The following CFAP100 variants were observed in gnomAD, a reference collection of about 807,000 sequenced individuals.
The protein encoded by CFAP100 is cilia- and flagella-associated protein 100.
CFAP100 carries 70 observed loss-of-function variants against 81.5 expected under a neutral mutation model. The observed-to-expected ratio is 0.86, with a 90% CI of 0.71 to 1.05. CFAP100 has a LOEUF of 1.05. Ranked by LOEUF, CFAP100 falls within the 50% of genes least tolerant of loss-of-function variation. The pLI is 0.00. For synonymous variants in CFAP100, 341 were observed against 314.8 expected (o/e 1.08, Z -0.88); for missense variants, 811 against 776.5 (o/e 1.04, Z -0.53).
rs1258687774 is a variant in CFAP100 at position 126,436,491 on chromosome 3, C to G, written c.*87C>G. 6.7e-6 allele frequency: 6 copies of G among 889,082 alleles called. No homozygotes were observed. The African/African-American group carries it at 9.9e-5, about 15-fold the overall frequency. 55.1% of individuals were successfully genotyped at this position (889,082 alleles called of 1,614,324 possible). On this transcript the variant is annotated 3_prime_UTR_variant, in exon 17 of 17. Transcript: ENST00000352312. ...AGACTGGGCTGGGTCTCGAGTGGCC[C>G]AACTGAGTCCTCTCTGTCTCCTGTG...
intron 5 of CFAP100, chr3:126,416,728 A>G (rs1480756280): frequency 6.4e-6 from 3 of 471,088 alleles, no homozygotes; most frequent in Non-Finnish European, 1.1e-5. Flanking sequence ...TCCTAATAGA[A>G]TAGTTCCCCA....
At chr3:126,409,158 T>C (rs1393797318) in intron 3 of CFAP100, among the ~76,000 whole-genome samples, 2 of 152,090 alleles carry the variant, frequency 1.3e-5, no homozygotes, top group African/African-American at 4.8e-5. Flanking sequence ...ACCATTTCCA[T>C]CTCCCCAGAA....
rs1173422674 is a variant in CFAP100 at position 126,423,621 on chromosome 3, C to T, written c.1263C>T (p.Thr421=). The part of the protein sequence containing the change: ...TEKTLEELSH[T]LKHTQIRMDR... ...AGACCCTGGAGGAGCTGAGCCACAC[C>T]CTGAAACACACCCAGATCCGCATGT... The change falls in exon 13 of 17, where the codon ACC becomes ACT. Residue 421 remains threonine (T), a synonymous_variant. Coordinates refer to ENST00000352312, the MANE Select transcript of CFAP100 (RefSeq NM_182628.3). 1 of 1,614,202 alleles carries T rather than the reference C, an allele frequency of 6.2e-7. No individual in the cohort carries two copies. Among genetic ancestry groups the T allele is most frequent in the Non-Finnish European group, 8.5e-7 (1 of 1,180,032 alleles).
At chr3:126,416,227 C>CGCGTCCCCGGCCTCAGGTCCG in intron 4 of CFAP100, 89 bp from the exon 5 acceptor site, 1 of 1,096,174 alleles carries the variant, frequency 9.1e-7, no homozygotes, top group Non-Finnish European at 1.3e-6. Flanking sequence ...GCGCGCAAAC[C>CGCGTCCCCGGCCTCAGGTCCG]CGCGTCCCTA....
intron 2 of CFAP100, among the ~76,000 whole-genome samples, chr3:126,403,028 C>T (rs138182260): frequency 1.3e-5 from 2 of 152,178 alleles, no homozygotes; most frequent in Non-Finnish European, 2.9e-5. Flanking sequence ...GACACCTGTG[C>T]ATCACAGTGC....
chr3:126,420,928 C>T (rs1429664467), intron 11 of CFAP100: 1 of 152,238 alleles, frequency 6.6e-6, no homozygotes, highest in Non-Finnish European at 1.5e-5. Flanking sequence ...TATTGGTTCT[C>T]TATGTATTCT....
Position 126,416,376 on chromosome 3 carries a change from T to G in CFAP100, c.286T>G (p.Ser96Ala). 1 of 1,611,152 alleles carries G rather than the reference T, an allele frequency of 6.2e-7. No homozygotes were observed. The highest frequency in any genetic ancestry group is 1.1e-5 in the South Asian group (1 of 90,864). Reference sequence around the variant, plus strand: ...GAAGATGACCTACTCCTCGAAAGTGTCGGCTAAGCACACCAGCCTGCGGCG... The same window carrying G: ...GAAGATGACCTACTCCTCGAAAGTGGCGGCTAAGCACACCAGCCTGCGGCG... Reference protein sequence around the residue: ...HQKMTYSSKVSAKHTSLRRQL... With the variant: ...HQKMTYSSKVAAKHTSLRRQL... Residue 96 changes from serine to alanine, a missense_variant, in exon 5 of 17, where the codon TCG becomes GCG. Ser to Ala is a moderately conservative substitution (Grantham distance 99, BLOSUM62 1). Coordinates refer to ENST00000352312, the MANE Select transcript of CFAP100 (RefSeq NM_182628.3).
chr3:126,435,695 C>A, intron 16 of CFAP100, 43 bp downstream of exon 16: 1 of 1,512,944 alleles, frequency 6.6e-7, no homozygotes. Flanking sequence ...GAGGGGGTCC[C>A]AAGACAGCAT....
chr3:126,434,980 G>A (rs1373615108), intron 15 of CFAP100, among the ~76,000 whole-genome samples: 3 of 152,100 alleles, frequency 2.0e-5, no homozygotes, highest in Non-Finnish European at 4.4e-5. Context: ...AGGTAGATGG[G>A]GGTTGTGGCT....
At chr3:126,432,513 A>G (rs1437809481) in intron 13 of CFAP100, among the ~76,000 whole-genome samples, 2 of 151,804 alleles carry the variant, frequency 1.3e-5, no homozygotes, top group African/African-American at 4.9e-5. Flanking sequence ...ACTCAGCTAT[A>G]AAAAGAAATG....
chr3:126,400,552 G>T (rs2082958690), intron 2 of CFAP100, among the ~76,000 whole-genome samples: 1 of 152,044 alleles, frequency 6.6e-6, no homozygotes, highest in Non-Finnish European at 1.5e-5. Flanking sequence ...AGGAGATTGA[G>T]ACCATCCTGG....
chr3:126,434,569 G>T, intron 15 of CFAP100, 188 bp downstream of exon 15: 2 of 593,862 alleles, frequency 3.4e-6, no homozygotes. Flanking sequence ...GGTGGTTAGG[G>T]AAAGCTTCCT....
Position 126,419,830 on chromosome 3 carries a change from G to C in CFAP100, c.913+12G>C. ...ACCAGGGGACAAAGGTAGCAGAAAAGAGAATGTGGGTTCCCAGGTGGGCTC... is the reference window on the plus strand; with the variant it reads ...ACCAGGGGACAAAGGTAGCAGAAAACAGAATGTGGGTTCCCAGGTGGGCTC... On this transcript the variant is annotated intron_variant, in intron 9 of 16. Transcript: ENST00000352312. 1 of 1,612,800 alleles carries C rather than the reference G, an allele frequency of 6.2e-7. No homozygotes were observed. Among genetic ancestry groups the C allele is most frequent in the Middle Eastern group, 1.7e-4 (1 of 5,818 alleles).
chr3:126,424,733 A>G (rs560312500), intron 13 of CFAP100, among the ~76,000 whole-genome samples: 193 of 152,388 alleles, frequency 1.3e-3, no homozygotes, highest in Non-Finnish European at 2.2e-3. Context: ...TGACTTGTGC[A>G]TACTGATGTG....
chr3:126,415,534 T>A (rs941858865), intron 4 of CFAP100, among the ~76,000 whole-genome samples: 10 of 152,188 alleles, frequency 6.6e-5, no homozygotes, highest in Non-Finnish European at 1.5e-5. Flanking sequence ...TTTTCCTGAC[T>A]GCAGTGATGG....
chr3:126,433,693 G>T (rs1378249879), intron 14 of CFAP100: 1 of 192,842 alleles, frequency 5.2e-6, no homozygotes, highest in East Asian at 1.5e-4. Flanking sequence ...GGCCAAGGGT[G>T]TGGGATGCAG....
At chr3:126,401,141 T>C (rs965653326) in intron 2 of CFAP100, among the ~76,000 whole-genome samples, 2 of 150,868 alleles carry the variant, frequency 1.3e-5, no homozygotes, top group East Asian at 3.9e-4. Flanking sequence ...GTCAGAGTCA[T>C]AGAGACAGAA....
At chr3:126,417,074 C>T (rs567412634) in intron 5 of CFAP100, among the ~76,000 whole-genome samples, 3 of 152,260 alleles carry the variant, frequency 2.0e-5, no homozygotes, top group South Asian at 2.1e-4. Context: ...GTACAGTGGG[C>T]GCAGGCTGCA....
Position 126,423,360 on chromosome 3 carries a change from C to CCGA in CFAP100, c.1120_1122dup (p.Asp374dup), listed in dbSNP as rs1560077167. ...CCCATCCCCCCCACGCAGGAGGACACCGACAGCGATGGGGAGGTGAATGGC... is the reference window on the plus strand; with the variant it reads ...CCCATCCCCCCCACGCAGGAGGACACCGACGACAGCGATGGGGAGGTGAATGGC... On this transcript the variant is annotated inframe_insertion, in exon 12 of 17. Transcript: ENST00000352312. The CCGA allele has an allele frequency of 6.2e-7, 1 of 1,613,628 alleles. No individual in the cohort carries two copies. The highest frequency in any genetic ancestry group is 1.3e-5 in the African/African-American group (1 of 74,922).
Sources: allele counts gnomAD v4.1 joint callset (sites outside exome capture counted in the v4.1 genomes callset), GRCh38; gene constraint gnomAD v4.1.1; transcripts MANE v1.5; gene names NCBI Gene and HGNC (gene_info 2026-07-23, HGNC 2026-07-21).